The following HIVEP2 variants were observed in gnomAD, a reference collection of about 807,000 sequenced individuals.
HIVEP2 encodes HIVEP zinc finger 2, also known as transcription factor HIVEP2.
In HIVEP2, 14 loss-of-function variants were observed where a neutral mutation model predicts 180.7. That is an observed-to-expected ratio of 0.08 (90% CI 0.05 to 0.12). The LOEUF (loss-of-function observed/expected upper bound fraction) is 0.12, where lower values mean the gene tolerates loss of function less well. Ranked by LOEUF, HIVEP2 falls within the 10% of genes least tolerant of loss-of-function variation. HIVEP2 has a pLI of 1.00. For synonymous variants in HIVEP2, 1,184 were observed against 1,136.4 expected (o/e 1.04, Z -0.84); for missense variants, 2,579 against 3,008.5 (o/e 0.86, Z 3.34).
intron 2 of HIVEP2, among the ~76,000 whole-genome samples, chr6:142,823,825 T>C (rs2114840164): frequency 6.6e-6 from 1 of 152,358 alleles, no homozygotes; most frequent in South Asian, 2.1e-4. Context: ...GTTTTGCTTC[T>C]GTAAAAACAG....
At chr6:142,844,263 C>T (rs1386082007) in intron 1 of HIVEP2, among the ~76,000 whole-genome samples, 2 of 151,478 alleles carry the variant, frequency 1.3e-5, no homozygotes, top group African/African-American at 4.9e-5. Flanking sequence ...TTCCACAGGT[C>T]AATACAAACA....
chr6:142,915,144 G>A (rs182676825), intron 1 of HIVEP2, among the ~76,000 whole-genome samples: 9 of 152,278 alleles, frequency 5.9e-5, no homozygotes, highest in Non-Finnish European at 7.4e-5. Flanking sequence ...AGAGCCTTAC[G>A]CAAGAGGGAA....
chr6:142,843,806 G>C (rs1420700576), intron 1 of HIVEP2, among the ~76,000 whole-genome samples: 1 of 152,136 alleles, frequency 6.6e-6, no homozygotes, highest in African/African-American at 2.4e-5. Flanking sequence ...TGTTATGAAT[G>C]ACATTTTAGG....
At chr6:142,874,938 T>C (rs1490268147) in intron 1 of HIVEP2, among the ~76,000 whole-genome samples, 1 of 152,150 alleles carries the variant, frequency 6.6e-6, no homozygotes, top group East Asian at 1.9e-4. Flanking sequence ...GTGCTTCCTA[T>C]ACACCATCTT....
chr6:142,894,465 T>C (rs746610303), intron 1 of HIVEP2, among the ~76,000 whole-genome samples: 2 of 152,216 alleles, frequency 1.3e-5, no homozygotes, highest in African/African-American at 2.4e-5. Context: ...GAGTACCTTA[T>C]GGCACTTAAA....
chr6:142,898,759 C>T (rs768039330), intron 1 of HIVEP2, among the ~76,000 whole-genome samples: 1 of 152,186 alleles, frequency 6.6e-6, no homozygotes, highest in Non-Finnish European at 1.5e-5. Flanking sequence ...ATCATCACTA[C>T]CCACTTTGTC....
intron 1 of HIVEP2, among the ~76,000 whole-genome samples, chr6:142,859,205 A>G (rs920506791): frequency 4.6e-5 from 7 of 152,154 alleles, no homozygotes; most frequent in African/African-American, 1.4e-4. Context: ...AGCCAACAGT[A>G]TATGCTTAAA....
At chr6:142,769,517 C>G (rs369365828) in intron 5 of HIVEP2, 35 bp downstream of exon 5, 1 of 1,567,014 alleles carries the variant, frequency 6.4e-7, no homozygotes, top group Non-Finnish European at 8.8e-7. Context: ...ATCAAATCCA[C>G]AATACAAAGT....
chr6:142,876,193 G>T (rs547907628), intron 1 of HIVEP2, among the ~76,000 whole-genome samples: 1 of 152,274 alleles, frequency 6.6e-6, no homozygotes, highest in East Asian at 1.9e-4. Context: ...ACTGGCTTTG[G>T]TAAGATATAT....
chr6:142,894,578 T>A (rs1776937579), intron 1 of HIVEP2, among the ~76,000 whole-genome samples: 2 of 152,216 alleles, frequency 1.3e-5, no homozygotes, highest in Admixed American at 1.3e-4. Context: ...AACTTTAAGG[T>A]ACTTTTAACA....
At chr6:142,810,302 A>G (rs1776659825) in intron 2 of HIVEP2, among the ~76,000 whole-genome samples, 1 of 152,206 alleles carries the variant, frequency 6.6e-6, no homozygotes, top group Non-Finnish European at 1.5e-5. Context: ...TTTTAATTAT[A>G]GTGTATTTTT....
At chr6:142,863,529 A>G (rs955331546) in intron 1 of HIVEP2, among the ~76,000 whole-genome samples, 6 of 152,198 alleles carry the variant, frequency 3.9e-5, no homozygotes, top group Non-Finnish European at 7.3e-5. Flanking sequence ...ATATTACAAA[A>G]TATTTCTAAA....
chr6:142,813,898 T>C (rs778467356), intron 2 of HIVEP2, among the ~76,000 whole-genome samples: 5 of 152,032 alleles, frequency 3.3e-5, no homozygotes, highest in African/African-American at 4.8e-5. Context: ...GGCTTCTCTT[T>C]ACAATCTTTC....
Position 142,773,990 on chromosome 6 carries a change from A to T in HIVEP2, c.749T>A (p.Phe250Tyr). The change falls in exon 5 of 10, where the codon TTC (phenylalanine) becomes TAC (tyrosine). Residue 250 changes from phenylalanine (F) to tyrosine (Y), a missense_variant. Phe to Tyr is a conservative substitution (Grantham distance 22, BLOSUM62 3). Coordinates refer to ENST00000367603, the MANE Select transcript of HIVEP2 (RefSeq NM_006734.4). ...CAATTTAGATACAGCTGACTCTGTGAAAGGTACTAATCCTGCCTTAATTGC... is the reference window on the plus strand; with the variant it reads ...CAATTTAGATACAGCTGACTCTGTGTAAGGTACTAATCCTGCCTTAATTGC... ...AHAIKAGLVP[F>Y]TESAVSKLDL... 1.2e-6 allele frequency: 2 copies of T among 1,614,252 alleles called. No homozygotes were observed. Among genetic ancestry groups the T allele is most frequent in the Non-Finnish European group, 1.7e-6 (2 of 1,180,046 alleles).
chr6:142,899,967 T>C (rs571406216), intron 1 of HIVEP2, among the ~76,000 whole-genome samples: 6 of 152,292 alleles, frequency 3.9e-5, no homozygotes, highest in South Asian at 4.1e-4. Context: ...TTAATAGAGA[T>C]GATTCTTAGT....
intron 2 of HIVEP2, among the ~76,000 whole-genome samples, chr6:142,795,132 T>G (rs1776251585): frequency 6.6e-6 from 1 of 152,184 alleles, no homozygotes; most frequent in Non-Finnish European, 1.5e-5. Flanking sequence ...ATATAAATAA[T>G]TTGAAGAATG....
intron 2 of HIVEP2, among the ~76,000 whole-genome samples, chr6:142,796,203 T>A (rs1305935274): frequency 1.3e-5 from 2 of 152,118 alleles, no homozygotes; most frequent in Non-Finnish European, 2.9e-5. Flanking sequence ...TCTGAGTACG[T>A]CCTATCAGCA....
intron 3 of HIVEP2, among the ~76,000 whole-genome samples, chr6:142,777,930 G>GTGA: frequency 6.6e-6 from 1 of 152,268 alleles, no homozygotes; most frequent in African/African-American, 2.4e-5. Context: ...GAATTTGACT[G>GTGA]TGATGATGAT....
In HIVEP2 at chr6:142,898,409, C is replaced by A. The variant is rs189101121; in HGVS notation, c.-641+46690G>T. Among the ~76,000 whole-genome samples, 167 of 152,264 alleles carry A rather than the reference C, an allele frequency of 1.1e-3. 1 individual carries two copies. Among genetic ancestry groups the A allele is most frequent in the Non-Finnish European group, 2.0e-3 (139 of 68,022 alleles). On this transcript the variant is annotated intron_variant, in intron 1 of 9. Transcript: ENST00000367603. ...GCGCGCAGTGGCTCACACCTGTAAT[C>A]CCAACATTTTGGGAGGCCGAGGCGG...
Sources: allele counts gnomAD v4.1 joint callset (sites outside exome capture counted in the v4.1 genomes callset), GRCh38; gene constraint gnomAD v4.1.1; transcripts MANE v1.5; gene names NCBI Gene and HGNC (gene_info 2026-07-23, HGNC 2026-07-21).